SENP6: variants seen among roughly 807,000 people sequenced by gnomAD.
SENP6 encodes SUMO specific peptidase 6, also known as sentrin-specific protease 6.
Under a neutral mutation model 134.5 loss-of-function variants are expected in SENP6, and 41 were observed. That is an observed-to-expected ratio of 0.30 (90% CI 0.24 to 0.40). SENP6 has a LOEUF of 0.40. Ranked by LOEUF, SENP6 falls within the 10% of genes least tolerant of loss-of-function variation. SENP6 has a pLI of 1.00. For synonymous variants in SENP6, 395 were observed against 429.8 expected (o/e 0.92, Z 1.00); for missense variants, 1,248 against 1,312.5 (o/e 0.95, Z 0.76).
intron 15 of SENP6, 36 bp downstream of exon 15, chr6:75,678,728 A>T (rs762259176): frequency 2.2e-6 from 3 of 1,388,642 alleles, no homozygotes; most frequent in South Asian, 2.4e-5. Flanking sequence ...ATGATCTTAA[A>T]TGTCTTTCTC....
chr6:75,602,174 G>A lies in SENP6; in HGVS notation c.-351G>A. On this transcript the variant is annotated 5_prime_UTR_variant, in exon 1 of 24. Transcript: ENST00000447266. Reference sequence around the variant, plus strand: ...TCTCCTTTCTTGGGAACCCACGGCTGGGGGAAGTTTCTCAGGCAGCCTGGG... The same window carrying A: ...TCTCCTTTCTTGGGAACCCACGGCTAGGGGAAGTTTCTCAGGCAGCCTGGG... The A allele has an allele frequency of 4.1e-6, 1 of 246,070 alleles. No individual in the cohort carries two copies. Among genetic ancestry groups the A allele is most frequent in the Non-Finnish European group, 7.7e-6 (1 of 129,478 alleles). 15.2% of individuals were successfully genotyped at this position (246,070 alleles called of 1,614,324 possible). A position where few individuals can be genotyped will look rare whatever the true frequency, so the allele number is the denominator to read the frequency against.
intron 7 of SENP6, among the ~76,000 whole-genome samples, chr6:75,658,557 C>A (rs2149859942): frequency 6.6e-6 from 1 of 151,888 alleles, no homozygotes; most frequent in East Asian, 1.9e-4. Flanking sequence ...TTTTGGAGTT[C>A]ATCAAATCAT....
chr6:75,708,410 A>C (rs1365552433), intron 19 of SENP6, among the ~76,000 whole-genome samples: 2 of 152,164 alleles, frequency 1.3e-5, no homozygotes, highest in Non-Finnish European at 2.9e-5. Context: ...CATGCTTTTC[A>C]AATTTTTGAG....
chr6:75,662,756 T>G (rs570789726), intron 8 of SENP6, among the ~76,000 whole-genome samples: 1 of 152,310 alleles, frequency 6.6e-6, no homozygotes, highest in South Asian at 2.1e-4. Flanking sequence ...GAATGTGTTT[T>G]TTCTGTTTTA....
At chr6:75,665,285 CAAA>C (rs35079953) in intron 9 of SENP6, among the ~76,000 whole-genome samples, 4 of 89,840 alleles carry the variant, frequency 4.5e-5, no homozygotes, top group Non-Finnish European at 4.8e-5. Flanking sequence ...GACTCCGTCT[CAAA>C]AAAAAAAAAA....
intron 21 of SENP6, among the ~76,000 whole-genome samples, chr6:75,712,077 C>G (rs1775782214): frequency 6.6e-6 from 1 of 152,064 alleles, no homozygotes; most frequent in Non-Finnish European, 1.5e-5. Context: ...TACACTGATT[C>G]CTTAGCTACT....
At chr6:75,682,878 G>T (rs1773563040) in intron 16 of SENP6, among the ~76,000 whole-genome samples, 1 of 152,146 alleles carries the variant, frequency 6.6e-6, no homozygotes, top group Non-Finnish European at 1.5e-5. Flanking sequence ...ATGTGCATGT[G>T]TCTTTATAGT....
At chr6:75,710,677 C>T (rs1775697805) in intron 20 of SENP6, among the ~76,000 whole-genome samples, 2 of 152,140 alleles carry the variant, frequency 1.3e-5, no homozygotes, top group African/African-American at 2.4e-5. Flanking sequence ...TGTGAACAAG[C>T]TAATGTAACT....
rs368659489 is a variant in SENP6, at chr6:75,642,754, A to G, written c.479+2050A>G. 3.3e-5 allele frequency among the ~76,000 whole-genome samples: 5 copies of G among 152,332 alleles called. No homozygotes were observed. The East Asian group carries it at 5.8e-4, about 18-fold the overall frequency. On this transcript the variant is annotated intron_variant, in intron 6 of 23. Coordinates refer to ENST00000447266, the MANE Select transcript of SENP6 (RefSeq NM_015571.4). ...TTTTAAACACAGTCTTTTGCATGTG[A>G]TTTATAATTTGGCATAAATAGAAGT...
At chr6:75,621,697 A>G in intron 2 of SENP6, 72 bp downstream of exon 2, 2 of 896,408 alleles carry the variant, frequency 2.2e-6, no homozygotes, top group Non-Finnish European at 3.5e-6. Flanking sequence ...TTTCTATTGT[A>G]TGGAAATATT....
chr6:75,702,579 T>C, intron 18 of SENP6, 66 bp from the exon 19 acceptor site: 1 of 1,340,706 alleles, frequency 7.5e-7, no homozygotes. Context: ...TTTTAATTGA[T>C]ATGTATTGCC....
intron 6 of SENP6, among the ~76,000 whole-genome samples, chr6:75,645,890 A>G (rs1770399026): frequency 6.6e-6 from 1 of 152,248 alleles, no homozygotes. Flanking sequence ...AAGTATACAC[A>G]TTAGTTTAAT....
chr6:75,644,702 C>T (rs755940663), intron 6 of SENP6, among the ~76,000 whole-genome samples: 3 of 152,106 alleles, frequency 2.0e-5, no homozygotes, highest in African/African-American at 4.8e-5. Context: ...CCAGTCTGGC[C>T]GCGAACTCCT....
At chr6:75,625,899 TTTA>T (rs1768651725) in intron 3 of SENP6, among the ~76,000 whole-genome samples, 1 of 152,080 alleles carries the variant, frequency 6.6e-6, no homozygotes, top group Admixed American at 6.6e-5. Context: ...AAAACCCACT[TTTA>T]TTTGCTTTGT....
At chr6:75,639,504 G>A (rs1769866424) in intron 5 of SENP6, among the ~76,000 whole-genome samples, 1 of 152,008 alleles carries the variant, frequency 6.6e-6, no homozygotes, top group Non-Finnish European at 1.5e-5. Flanking sequence ...AGGAGTATAA[G>A]AATTGATATA....
chr6:75,621,274 C>G (rs990463180), intron 1 of SENP6, among the ~76,000 whole-genome samples: 1 of 152,120 alleles, frequency 6.6e-6, no homozygotes, highest in Non-Finnish European at 1.5e-5. Context: ...TTCATGTGCC[C>G]TCCGTTTTTA....
At chr6:75,667,536 G>A (rs1772338168) in intron 10 of SENP6, among the ~76,000 whole-genome samples, 1 of 152,104 alleles carries the variant, frequency 6.6e-6, no homozygotes, top group Non-Finnish European at 1.5e-5. Flanking sequence ...AAATATAACT[G>A]TATTCAATGG....
intron 1 of SENP6, among the ~76,000 whole-genome samples, chr6:75,615,465 C>G (rs1277203028): frequency 6.6e-6 from 1 of 152,208 alleles, no homozygotes; most frequent in East Asian, 1.9e-4. Flanking sequence ...CAGGCATGAG[C>G]CACTGTGCCC....
chr6:75,646,561 G>T (rs1222016512), intron 6 of SENP6: 1 of 152,242 alleles, frequency 6.6e-6, no homozygotes, highest in African/African-American at 2.4e-5. Context: ...TGTCAGCCGG[G>T]CGCGGTGGCT....
Sources: allele counts gnomAD v4.1 joint callset (sites outside exome capture counted in the v4.1 genomes callset), GRCh38; gene constraint gnomAD v4.1.1; transcripts MANE v1.5; gene names NCBI Gene and HGNC (gene_info 2026-07-23, HGNC 2026-07-21).